TRPM3: variants seen among roughly 807,000 people sequenced by gnomAD.
TRPM3 encodes long transient receptor potential channel 3.
A neutral mutation model predicts 181.2 loss-of-function variants in TRPM3; 77 were observed. The observed-to-expected ratio is 0.42, with a 90% CI of 0.35 to 0.51. The LOEUF is 0.51. TRPM3 is among the 20% of genes least tolerant of loss of function. The probability of loss-of-function intolerance (pLI) is 0.01; values close to 1 mark genes in which losing one functional copy is unlikely to be tolerated. For synonymous variants in TRPM3, 745 were observed against 796.4 expected (o/e 0.94, Z 1.09); for missense variants, 1,759 against 2,196.7 (o/e 0.80, Z 3.98).
At position 70,598,346 on chromosome 9, in the gene TRPM3, T is replaced by C. The variant is rs181111712; in HGVS notation, c.3048+73A>G. The C allele has an allele frequency of 7.3e-4, 1,140 of 1,559,098 alleles. 9 individuals carry two copies. The highest frequency in any genetic ancestry group is 2.1e-4 in the Middle Eastern group (1 of 4,838). Reference sequence around the variant, plus strand: ...GACTTTGATAGCAGGCCCAAATGAATTATTTCCCTCTATCTATTATCACCA... The same window carrying C: ...GACTTTGATAGCAGGCCCAAATGAACTATTTCCCTCTATCTATTATCACCA... On this transcript the variant is annotated intron_variant, in intron 21 of 25. Transcript: ENST00000677713.
intron 1 of TRPM3, among the ~76,000 whole-genome samples, chr9:70,907,515 A>G (rs977473721): frequency 3.9e-5 from 6 of 152,340 alleles, no homozygotes; most frequent in Middle Eastern, 3.4e-3. Context: ...TTGCAACAGC[A>G]TAGATGCAGC....
intron 1 of TRPM3, among the ~76,000 whole-genome samples, chr9:71,211,198 G>C (rs2079475750): frequency 6.6e-6 from 1 of 152,134 alleles, no homozygotes; most frequent in African/African-American, 2.4e-5. Context: ...CCAAAGCCTT[G>C]CAGGAATCTC....
intron 1 of TRPM3, among the ~76,000 whole-genome samples, chr9:71,242,477 T>C (rs1208748061): frequency 1.3e-5 from 2 of 152,246 alleles, no homozygotes; most frequent in East Asian, 1.9e-4. Context: ...AATGGAAGAA[T>C]TTAGATTTTG....
At chr9:70,764,186 G>A (rs1341904855) in intron 7 of TRPM3, among the ~76,000 whole-genome samples, 5 of 152,158 alleles carry the variant, frequency 3.3e-5, no homozygotes, top group African/African-American at 4.8e-5. Flanking sequence ...TCACATTTGT[G>A]TTGCCAATTA....
At chr9:70,744,204 T>C (rs935969569) in intron 8 of TRPM3, among the ~76,000 whole-genome samples, 3 of 151,924 alleles carry the variant, frequency 2.0e-5, no homozygotes, top group African/African-American at 7.3e-5. Flanking sequence ...GGTGGGTGCC[T>C]GTAATTCCAG....
chr9:71,306,257 T>A (rs1236543073), intron 1 of TRPM3, among the ~76,000 whole-genome samples: 1 of 152,182 alleles, frequency 6.6e-6, no homozygotes, highest in Non-Finnish European at 1.5e-5. Context: ...AATTCTGGAC[T>A]GAACAGGAGA....
chr9:71,177,964 TC>T (rs1160652771), intron 1 of TRPM3, among the ~76,000 whole-genome samples: 1 of 151,336 alleles, frequency 6.6e-6, no homozygotes, highest in African/African-American at 2.4e-5. Flanking sequence ...TAACAAAACT[TC>T]CTTTGCTAGC....
intron 1 of TRPM3, among the ~76,000 whole-genome samples, chr9:71,166,149 G>A (rs1419398685): frequency 6.6e-6 from 1 of 152,142 alleles, no homozygotes; most frequent in Non-Finnish European, 1.5e-5. Context: ...TCATGAGAAT[G>A]AACTGAAAAC....
intron 1 of TRPM3, among the ~76,000 whole-genome samples, chr9:71,431,831 T>C (rs1479837150): frequency 6.6e-6 from 1 of 152,140 alleles, no homozygotes; most frequent in African/African-American, 2.4e-5. Context: ...AAAATTATGC[T>C]CATTTTTCTC....
chr9:70,604,951 T>G (rs1267314513), intron 19 of TRPM3, among the ~76,000 whole-genome samples: 1 of 96,118 alleles, frequency 1.0e-5, no homozygotes, highest in Non-Finnish European at 2.1e-5. Context: ...CATGCTCAGC[T>G]GAATGGATTC....
At chr9:71,320,794 T>A (rs753267191) in intron 1 of TRPM3, among the ~76,000 whole-genome samples, 1 of 152,136 alleles carries the variant, frequency 6.6e-6, no homozygotes, top group Non-Finnish European at 1.5e-5. Context: ...AAAAATCCTC[T>A]TGAATGTCCC....
intron 1 of TRPM3, among the ~76,000 whole-genome samples, chr9:70,934,762 G>GT (rs1206614642): frequency 1.3e-5 from 2 of 152,060 alleles, no homozygotes; most frequent in Non-Finnish European, 2.9e-5. Context: ...TTGTCCATGT[G>GT]TTTTCACTGA....
intron 1 of TRPM3, among the ~76,000 whole-genome samples, chr9:71,440,610 T>C (rs2094123169): frequency 6.6e-6 from 1 of 152,248 alleles, no homozygotes; most frequent in Non-Finnish European, 1.5e-5. Context: ...CAATGTACTC[T>C]GACTATAAAG....
At chr9:70,874,835 T>C (rs2095845118) in intron 1 of TRPM3, among the ~76,000 whole-genome samples, 1 of 151,952 alleles carries the variant, frequency 6.6e-6, no homozygotes, top group Non-Finnish European at 1.5e-5. Context: ...AGAGTGGTCA[T>C]GTAAGGATTA....
At chr9:71,214,349 G>T (rs1398495101) in intron 1 of TRPM3, among the ~76,000 whole-genome samples, 1 of 152,090 alleles carries the variant, frequency 6.6e-6, no homozygotes, top group Non-Finnish European at 1.5e-5. Flanking sequence ...GTTTCTTTAA[G>T]AATTAAATAT....
At chr9:71,036,411 T>C (rs1565038015) in intron 1 of TRPM3, among the ~76,000 whole-genome samples, 1 of 152,208 alleles carries the variant, frequency 6.6e-6, no homozygotes, top group Non-Finnish European at 1.5e-5. Context: ...ACATGGTTTT[T>C]AGCAAGCACA....
At chr9:70,857,029 G>C (rs1249732004) in intron 3 of TRPM3, among the ~76,000 whole-genome samples, 3 of 152,128 alleles carry the variant, frequency 2.0e-5, no homozygotes, top group Non-Finnish European at 4.4e-5. Flanking sequence ...TGGCTGATGG[G>C]TCCATCTTCT....
intron 11 of TRPM3, 129 bp from the exon 12 acceptor site, chr9:70,635,390 T>A (rs1266425870): frequency 1.5e-6 from 1 of 673,704 alleles, no homozygotes; most frequent in Non-Finnish European, 2.6e-6. Flanking sequence ...TTGTTCTAGT[T>A]GCTCAGTGTA....
At chr9:71,002,363 CT>C (rs2097615025) in intron 1 of TRPM3, among the ~76,000 whole-genome samples, 1 of 152,136 alleles carries the variant, frequency 6.6e-6, no homozygotes, top group Non-Finnish European at 1.5e-5. Context: ...GCGGTTTTAG[CT>C]TTTGAATCTT....
Sources: gnomAD v4.1 joint callset for allele counts (sites outside exome capture counted in the v4.1 genomes callset) on GRCh38, gnomAD v4.1.1 for gene constraint, MANE v1.5 for transcripts, NCBI Gene and HGNC (gene_info 2026-07-23, HGNC 2026-07-21) for gene names.